The following BEAN1 variants were observed in gnomAD, a reference collection of about 807,000 sequenced individuals.
The protein encoded by BEAN1 is protein BEAN1.
In BEAN1, 17 loss-of-function variants were observed where a neutral mutation model predicts 17.7. The ratio of observed to expected loss-of-function variants is 0.96; its 90% CI spans 0.66 to 1.44. BEAN1 has a LOEUF of 1.44. BEAN1 is among the 40% of genes most tolerant of loss of function. BEAN1 has a pLI of 0.00. For missense variants in BEAN1, 359 were observed against 374.1 expected (o/e 0.96, Z 0.33); for synonymous variants, 142 against 151.8 (o/e 0.94, Z 0.47).
At chr16:66,489,196 TAA>T (rs1226392732) in intron 4 of BEAN1, among the ~76,000 whole-genome samples, 3 of 151,732 alleles carry the variant, frequency 2.0e-5, no homozygotes, top group East Asian at 1.9e-4. Flanking sequence ...AAAAAAAGTA[TAA>T]GTTAATAAAT....
intron 4 of BEAN1, among the ~76,000 whole-genome samples, chr16:66,492,300 C>T (rs1330228558): frequency 6.6e-6 from 1 of 151,792 alleles, no homozygotes; most frequent in Non-Finnish European, 1.5e-5. Context: ...CCTCGCCCTC[C>T]CAAAGTGCTG....
At chr16:66,485,108 T>C, downstream of BEAN1, 1 of 453,852 alleles carries the variant, frequency 2.2e-6, no homozygotes, top group Non-Finnish European at 4.4e-6. Context: ...GGAAGGAGGG[T>C]TGATACAGAG....
chr16:66,477,564 G>C lies in BEAN1; in HGVS notation c.294G>C (p.Ser98=), dbSNP rs912067425. The change falls in exon 4 of 5, where the codon TCG becomes TCC. Residue 98 remains serine (S), a synonymous_variant. Transcript: ENST00000536005. ...CCGGTGGTCTGTTCCCTGCAGTGTCGGACGAGCACACATACAGCCGCTCAA... is the reference window on the plus strand; with the variant it reads ...CCGGTGGTCTGTTCCCTGCAGTGTCCGACGAGCACACATACAGCCGCTCAA... ...RHREYEHGYV[S]DEHTYSRSSR... 1 of 1,542,038 alleles carries C rather than the reference G, an allele frequency of 6.5e-7. No homozygotes were observed. The highest frequency in any genetic ancestry group is 1.4e-5 in the African/African-American group (1 of 73,024).
intron 4 of BEAN1, among the ~76,000 whole-genome samples, chr16:66,480,294 C>T (rs1963935884): frequency 6.6e-6 from 1 of 152,176 alleles, no homozygotes; most frequent in Non-Finnish European, 1.5e-5. Context: ...GCTCCCTAGA[C>T]AGTGGCCACT....
At chr16:66,476,677 CTG>C (rs1963762148) in intron 3 of BEAN1, among the ~76,000 whole-genome samples, 1 of 152,240 alleles carries the variant, frequency 6.6e-6, no homozygotes. Flanking sequence ...CAACCACTCA[CTG>C]TGTGTTGTCC....
At position 66,438,257 on chromosome 16, in the gene BEAN1, G is replaced by A. The variant is rs190538153; in HGVS notation, c.25+556G>A. On this transcript the variant is annotated intron_variant, in intron 2 of 4. Coordinates refer to ENST00000536005, the MANE Select transcript of BEAN1 (RefSeq NM_001178020.3). ...ACATTAGCTGGGCATGGTGGTGGGCGCCTGTAATCCCAGCTACTCAGGAAG... is the reference window on the plus strand; with the variant it reads ...ACATTAGCTGGGCATGGTGGTGGGCACCTGTAATCCCAGCTACTCAGGAAG... Among the ~76,000 whole-genome samples the A allele has an allele frequency of 5.6e-3, 846 of 152,180 alleles. 4 individuals are homozygous for A. The highest frequency in any genetic ancestry group is 0.017 in the African/African-American group (715 of 41,506).
intron 2 of BEAN1, among the ~76,000 whole-genome samples, chr16:66,464,178 G>A (rs1228816176): frequency 1.3e-5 from 2 of 152,152 alleles, no homozygotes; most frequent in Admixed American, 6.5e-5. Flanking sequence ...GGAAGGCTGG[G>A]ACTTTGATCA....
chr16:66,460,346 AGCCTGATGGATGTACAGTAAGT>A (rs1311671051), intron 2 of BEAN1, among the ~76,000 whole-genome samples: 1 of 152,210 alleles, frequency 6.6e-6, no homozygotes, highest in Non-Finnish European at 1.5e-5. Context: ...AAGAGTTTAG[AGCCTGATGGATGTACAGTAAGT>A]GCTGTCAGTG....
Position 66,446,195 on chromosome 16 carries a change from T to TA in BEAN1, c.25+8504dup, listed in dbSNP as rs909179407. Among the ~76,000 whole-genome samples the TA allele has an allele frequency of 1.4e-3, 203 of 145,902 alleles. 1 individual carries two copies. Among genetic ancestry groups the TA allele is most frequent in the African/African-American group, 4.4e-3 (173 of 39,710 alleles). On this transcript the variant is annotated intron_variant, in intron 2 of 4. Transcript: ENST00000536005. Reference sequence around the variant, plus strand: ...GAGACTCTTAGAGTGAGACTCTGTCTAAAAAAAAAAGGGGGGACAGTGGTC... The same window carrying TA: ...GAGACTCTTAGAGTGAGACTCTGTCTAAAAAAAAAAAGGGGGGACAGTGGTC...
chr16:66,495,197 C>T (rs190600146), downstream of BEAN1, among the ~76,000 whole-genome samples: 2 of 152,318 alleles, frequency 1.3e-5, no homozygotes, highest in Admixed American at 6.5e-5. Flanking sequence ...ACAGCCCCTA[C>T]ACAGGCTTTC....
At position 66,477,860 on chromosome 16, in the gene BEAN1, C is replaced by G. The variant is rs1045609905; in HGVS notation, c.440+150C>G. The G allele has an allele frequency of 2.8e-5, 24 of 863,554 alleles. 2 individuals are homozygous for G. Among genetic ancestry groups the G allele is most frequent in the Non-Finnish European group, 3.8e-5 (23 of 608,738 alleles). 53.5% of individuals were successfully genotyped at this position (863,554 alleles called of 1,614,324 possible). ...AGTGGGCATGGCCACCTCCTCCCCA[C>G]TCCTGACCAAGTAGGTCCCACTGAG... On this transcript the variant is annotated intron_variant, in intron 4 of 4. Transcript: ENST00000536005.
At chr16:66,484,513 C>A, downstream of BEAN1, 1 of 442,212 alleles carries the variant, frequency 2.3e-6, no homozygotes, top group Non-Finnish European at 4.5e-6. The surrounding 1 kb of genome is among the most constrained non-coding windows in gnomAD (Gnocchi z 4.2). Flanking sequence ...GTGCCAGGGG[C>A]CAAGGAGAAC....
chr16:66,429,130 C>G (rs1961696447), intron 1 of BEAN1, among the ~76,000 whole-genome samples: 1 of 152,180 alleles, frequency 6.6e-6, no homozygotes, highest in Non-Finnish European at 1.5e-5. Flanking sequence ...AGCCATCAGG[C>G]TGTCAGGTGG....
chr16:66,465,741 C>T (rs773125436), intron 2 of BEAN1, among the ~76,000 whole-genome samples: 3 of 152,224 alleles, frequency 2.0e-5, no homozygotes, highest in Non-Finnish European at 4.4e-5. Flanking sequence ...AAGCTGAGAA[C>T]TTTCTCGTGT....
In BEAN1 at chr16:66,471,635, C is replaced by T. The variant is rs745878217; in HGVS notation, c.289+1770C>T. 2.6e-5 allele frequency among the ~76,000 whole-genome samples: 4 copies of T among 152,196 alleles called. 1 individual carries two copies. Among genetic ancestry groups the T allele is most frequent in the South Asian group, 4.1e-4 (2 of 4,830 alleles). ...CACAGAGGGACATCCCGGGATGAGT[C>T]GGACAAGTGGCCACAGTTGAGGAAA... On this transcript the variant is annotated intron_variant, in intron 3 of 4. Transcript: ENST00000536005. The surrounding 1 kb of genome is among the most constrained non-coding windows in gnomAD (Gnocchi z 4.7).
intron 1 of BEAN1, among the ~76,000 whole-genome samples, chr16:66,437,087 CTCT>C (rs1962055341): frequency 6.6e-6 from 1 of 151,774 alleles, no homozygotes; most frequent in South Asian, 2.1e-4. Flanking sequence ...GAGCATCCTC[CTCT>C]TATTTATGTT....
downstream of BEAN1, chr16:66,483,726 T>C (rs1280640321): frequency 6.6e-6 from 1 of 152,128 alleles, no homozygotes; most frequent in Non-Finnish European, 1.5e-5. Context: ...GAATAGTCCA[T>C]TAATATAGTC....
intron 4 of BEAN1, among the ~76,000 whole-genome samples, chr16:66,478,724 C>T (rs1000866022): frequency 4.6e-5 from 7 of 152,320 alleles, no homozygotes; most frequent in Admixed American, 3.9e-4. Context: ...GGTGTCGTTA[C>T]TATTTCGAGG....
intron 2 of BEAN1, 76 bp downstream of exon 2, chr16:66,437,777 G>A (rs762768159): frequency 8.1e-6 from 12 of 1,475,738 alleles, no homozygotes; most frequent in Middle Eastern, 1.7e-4. Context: ...TGCAGAGAAC[G>A]GCTTGAGGTG....
Sources: gnomAD v4.1 joint callset for allele counts (sites outside exome capture counted in the v4.1 genomes callset) on GRCh38, gnomAD v4.1.1 for gene constraint, Gnocchi (gnomAD v3.1) non-coding constraint, MANE v1.5 for transcripts, NCBI Gene and HGNC (gene_info 2026-07-23, HGNC 2026-07-21) for gene names.